ZFHX3: variants seen among roughly 807,000 people sequenced by gnomAD.
The protein encoded by ZFHX3 is zinc finger homeobox protein 3.
Under a neutral mutation model 279.1 loss-of-function variants are expected in ZFHX3, and 42 were observed. The observed-to-expected ratio is 0.15, with a 90% CI of 0.12 to 0.19. ZFHX3 has a LOEUF of 0.19. ZFHX3 is among the 10% of genes least tolerant of loss of function. The pLI, the probability that ZFHX3 is intolerant of heterozygous loss-of-function variation, is 1.00. For synonymous variants in ZFHX3, 2,293 were observed against 1,957.8 expected (o/e 1.17, Z -4.52); for missense variants, 4,981 against 4,754.0 (o/e 1.05, Z -1.40).
At chr16:73,820,119 T>C (rs1261484469) in intron 1 of ZFHX3, among the ~76,000 whole-genome samples, 1 of 152,136 alleles carries the variant, frequency 6.6e-6, no homozygotes, top group Non-Finnish European at 1.5e-5. Flanking sequence ...AGACAGAGTC[T>C]TGCTCTGTCG....
At chr16:73,150,880 A>G (rs990564400) in intron 5 of ZFHX3, among the ~76,000 whole-genome samples, 1 of 152,224 alleles carries the variant, frequency 6.6e-6, no homozygotes, top group African/African-American at 2.4e-5. Context: ...AATTCTACCA[A>G]AAATAATCAC....
chr16:73,748,445 A>C (rs1346548581), intron 1 of ZFHX3, among the ~76,000 whole-genome samples: 1 of 152,196 alleles, frequency 6.6e-6, no homozygotes, highest in Non-Finnish European at 1.5e-5. Context: ...GCTGGCATTC[A>C]AGATCTCCAG....
At chr16:73,278,356 G>A (rs539208762) in intron 4 of ZFHX3, among the ~76,000 whole-genome samples, 100 of 152,272 alleles carry the variant, frequency 6.6e-4, no homozygotes, top group African/African-American at 2.3e-3. Flanking sequence ...GTGTAACGAT[G>A]GAGGAAGAAA....
intron 2 of ZFHX3, among the ~76,000 whole-genome samples, chr16:73,539,082 A>G (rs1457260886): frequency 6.6e-6 from 1 of 152,194 alleles, no homozygotes; most frequent in East Asian, 1.9e-4. Flanking sequence ...AATTCCCACT[A>G]AAAACAGAAA....
At chr16:73,620,096 G>C (rs1470040022) in intron 2 of ZFHX3, among the ~76,000 whole-genome samples, 2 of 152,112 alleles carry the variant, frequency 1.3e-5, no homozygotes, top group Non-Finnish European at 2.9e-5. Context: ...CTCTTAGCAG[G>C]CTTTAATAAA....
At chr16:72,838,524 G>A (rs2037258694) in intron 4 of ZFHX3, among the ~76,000 whole-genome samples, 2 of 152,190 alleles carry the variant, frequency 1.3e-5, no homozygotes, top group Non-Finnish European at 2.9e-5. Flanking sequence ...GCCTCCCCGA[G>A]AAAATTTCCC....
At chr16:72,917,057 G>A (rs1401808885) in intron 3 of ZFHX3, among the ~76,000 whole-genome samples, 6 of 152,082 alleles carry the variant, frequency 3.9e-5, no homozygotes, top group African/African-American at 1.4e-4. Flanking sequence ...TGAACAACAT[G>A]GTGAAACCCC....
At chr16:73,351,402 C>T (rs570471363) in intron 3 of ZFHX3, among the ~76,000 whole-genome samples, 28 of 152,322 alleles carry the variant, frequency 1.8e-4, no homozygotes, top group African/African-American at 6.7e-4. Context: ...CGTAATTATC[C>T]AGCAGTGAGT....
intron 4 of ZFHX3, among the ~76,000 whole-genome samples, chr16:73,266,350 T>C (rs62054690): frequency 0.3 from 45,373 of 152,172 alleles, 7,539 homozygotes; most frequent in Non-Finnish European, 0.39. Flanking sequence ...CTATTTAGTA[T>C]AGTTTATATT....
intron 2 of ZFHX3, among the ~76,000 whole-genome samples, chr16:73,502,005 C>T (rs2019247262): frequency 6.6e-6 from 1 of 151,986 alleles, no homozygotes; most frequent in Admixed American, 6.6e-5. Flanking sequence ...TCTGTGTCTC[C>T]CACAGCAGCG....
At chr16:73,832,396 A>C (rs1961021957) in intron 1 of ZFHX3, among the ~76,000 whole-genome samples, 1 of 152,342 alleles carries the variant, frequency 6.6e-6, no homozygotes, top group East Asian at 1.9e-4. Context: ...TAGTAGCTTA[A>C]GAAACAGTAC....
At chr16:72,964,383 A>G (rs1159933872) in intron 1 of ZFHX3, among the ~76,000 whole-genome samples, 2 of 152,354 alleles carry the variant, frequency 1.3e-5, no homozygotes, top group East Asian at 3.9e-4. Flanking sequence ...ATTTATAAGC[A>G]TGGGAAAATG....
intron 5 of ZFHX3, among the ~76,000 whole-genome samples, chr16:73,186,919 A>G (rs560526539): frequency 6.6e-6 from 1 of 152,164 alleles, no homozygotes; most frequent in Admixed American, 6.6e-5. Context: ...AACTCTAAAA[A>G]TATGTACAGA....
At chr16:73,702,489 C>A (rs1415795013) in intron 1 of ZFHX3, among the ~76,000 whole-genome samples, 1 of 152,078 alleles carries the variant, frequency 6.6e-6, no homozygotes, top group Non-Finnish European at 1.5e-5. Context: ...GTTTGTGGAA[C>A]CTTCCTCGAA....
In ZFHX3 at chr16:73,432,787, C is replaced by CT. The variant is rs199657310; in HGVS notation, c.-1291+23215dup. On this transcript the variant is annotated intron_variant, in intron 3 of 17. Transcript: ENST00000641206. ...AATCGCTCTGTGTGTTTTTCTTCTT[C>CT]TTTTTTTTCTACCTTGGGCTGCAAG... Among the ~76,000 whole-genome samples the CT allele has an allele frequency of 8.0e-3, 1,027 of 128,220 alleles. 10 individuals carry two copies. Among genetic ancestry groups the CT allele is most frequent in the African/African-American group, 0.027 (981 of 36,978 alleles). 84.1% of individuals were successfully genotyped at this position (128,220 alleles called of 152,430 possible).
chr16:73,657,241 G>A (rs1904829), intron 2 of ZFHX3, among the ~76,000 whole-genome samples: 74,719 of 152,112 alleles, frequency 0.49, 20,826 homozygotes, highest in East Asian at 0.8. Context: ...AAGTTCACCT[G>A]AGGTTAGGAA....
Position 73,042,630 on chromosome 16 carries a change from G to A in ZFHX3, c.-50+5122C>T, listed in dbSNP as rs117911131. Among the ~76,000 whole-genome samples, 13 of 152,144 alleles carry A rather than the reference G, an allele frequency of 8.5e-5. No individual in the cohort carries two copies. In the East Asian group the frequency reaches 2.3e-3, roughly 27 times the overall value. On this transcript the variant is annotated intron_variant, in intron 1 of 9. Coordinates refer to ENST00000268489, the MANE Select transcript of ZFHX3 (RefSeq NM_006885.4). ...CCCTCTCCCATCTACACAGAACAGCGGGTATAGGCAGTCACTGACTCCTGC... is the reference window on the plus strand; with the variant it reads ...CCCTCTCCCATCTACACAGAACAGCAGGTATAGGCAGTCACTGACTCCTGC...
chr16:73,377,223 C>T (rs921202109), intron 3 of ZFHX3, among the ~76,000 whole-genome samples: 2 of 152,088 alleles, frequency 1.3e-5, no homozygotes, highest in African/African-American at 2.4e-5. Flanking sequence ...CCACCCACCT[C>T]GGCCTCCCAA....
At chr16:73,288,702 A>G (rs968240469) in intron 4 of ZFHX3, among the ~76,000 whole-genome samples, 1 of 151,852 alleles carries the variant, frequency 6.6e-6, no homozygotes. Flanking sequence ...CTTCTGCAGC[A>G]GCTGCTGCCG....
Sources: gnomAD v4.1 joint callset for allele counts (sites outside exome capture counted in the v4.1 genomes callset) on GRCh38, gnomAD v4.1.1 for gene constraint, MANE v1.5 for transcripts, NCBI Gene and HGNC (gene_info 2026-07-23, HGNC 2026-07-21) for gene names.